KIRREL3: variants seen among roughly 807,000 people sequenced by gnomAD.
KIRREL3 encodes kin of IRRE-like protein 3.
Under a neutral mutation model 89.7 loss-of-function variants are expected in KIRREL3, and 36 were observed. The ratio of observed to expected loss-of-function variants is 0.40; its 90% CI spans 0.31 to 0.53. The LOEUF is 0.53. Among genes scored for constraint, KIRREL3 ranks in the 20% least tolerant of loss-of-function variants. KIRREL3 has a pLI of 0.49. For synonymous variants in KIRREL3, 445 were observed against 441.4 expected, an observed-to-expected ratio of 1.01 and a Z score of -0.10; for missense variants, 864 against 1,056.6, an observed-to-expected ratio of 0.82 and a Z score of 2.53.
chr11:126,813,037 T>C lies in KIRREL3; in HGVS notation c.55+187418A>G, dbSNP rs761718896. On this transcript the variant is annotated intron_variant, in intron 1 of 16. Transcript: ENST00000525144. Reference sequence around the variant, plus strand: ...TTCATTAGCCACAGCTCACTATGTGTCAAGTCTTGTTTTCTCCAGTTTAGA... The same window carrying C: ...TTCATTAGCCACAGCTCACTATGTGCCAAGTCTTGTTTTCTCCAGTTTAGA... 3.3e-5 allele frequency among the ~76,000 whole-genome samples: 5 copies of C among 152,220 alleles called. 1 individual carries two copies. In the South Asian group the frequency reaches 1.0e-3, roughly 32 times the overall value.
chr11:126,901,782 T>A (rs1946382346), intron 1 of KIRREL3, among the ~76,000 whole-genome samples: 1 of 152,222 alleles, frequency 6.6e-6, no homozygotes, highest in South Asian at 2.1e-4. Context: ...CATCCCTTCC[T>A]CACTTGATAA....
chr11:126,857,792 G>GGGGGGGGGGGA (rs1944578415), intron 1 of KIRREL3, among the ~76,000 whole-genome samples: 1 of 122,300 alleles, frequency 8.2e-6, no homozygotes, highest in African/African-American at 3.1e-5. Context: ...TGGGGGTGGG[G>GGGGGGGGGGGA]TGGGTGAGGC....
chr11:126,957,017 T>A (rs1347108607), intron 1 of KIRREL3, among the ~76,000 whole-genome samples: 5 of 152,186 alleles, frequency 3.3e-5, no homozygotes, highest in Non-Finnish European at 7.3e-5. Flanking sequence ...TGCAGCACAG[T>A]TCCAAAGTCT....
At position 126,606,024 on chromosome 11, in the gene KIRREL3, A is replaced by G. The variant is rs375074520; in HGVS notation, c.56-43112T>C. On this transcript the variant is annotated intron_variant, in intron 1 of 16. Coordinates refer to ENST00000525144, the MANE Select transcript of KIRREL3 (RefSeq NM_032531.4). The surrounding 1 kb of genome is among the most constrained non-coding windows in gnomAD (Gnocchi z 4.6). Reference sequence around the variant, plus strand: ...GCAGGCCATCTTGGGAAGGAATCCCAGTTGACCACTCATTATCTCTGTAAC... The same window carrying G: ...GCAGGCCATCTTGGGAAGGAATCCCGGTTGACCACTCATTATCTCTGTAAC... Among the ~76,000 whole-genome samples the G allele has an allele frequency of 6.6e-6, 1 of 152,230 alleles. No homozygotes were observed. Among genetic ancestry groups the G allele is most frequent in the Non-Finnish European group, 1.5e-5 (1 of 68,048 alleles).
rs1278863600 is a variant in KIRREL3, at chr11:126,843,361, T to A, written c.55+157094A>T. Among the ~76,000 whole-genome samples the A allele has an allele frequency of 2.6e-5, 4 of 152,116 alleles. No homozygotes were observed. The highest frequency in any genetic ancestry group is 9.7e-5 in the African/African-American group (4 of 41,432). The stretch of plus-strand genomic sequence containing the variant: ...GAAGATCTCCAAGTGTAAAGGTGCA[T>A]GAGAAATGCTTCCAGTGAGTGAGAT... On this transcript the variant is annotated intron_variant, in intron 1 of 16. Coordinates refer to ENST00000525144, the MANE Select transcript of KIRREL3 (RefSeq NM_032531.4). The surrounding 1 kb of genome is among the most constrained non-coding windows in gnomAD (Gnocchi z 4.6).
At chr11:126,560,468 A>G (rs952147972) in intron 2 of KIRREL3, among the ~76,000 whole-genome samples, 11 of 152,304 alleles carry the variant, frequency 7.2e-5, no homozygotes, top group African/African-American at 2.4e-4. Flanking sequence ...TAACGGCACC[A>G]ATTGCAATTA....
At chr11:126,823,537 T>G (rs1454746778) in intron 1 of KIRREL3, among the ~76,000 whole-genome samples, 1 of 152,090 alleles carries the variant, frequency 6.6e-6, no homozygotes. Flanking sequence ...TGCTCTGAGC[T>G]CCTCAGAGAG....
In KIRREL3 at chr11:126,601,787, G is replaced by A. The variant is rs1473007887; in HGVS notation, c.56-38875C>T. Among the ~76,000 whole-genome samples, 1 of 152,100 alleles carries A rather than the reference G, an allele frequency of 6.6e-6. No homozygotes were observed. The highest frequency in any genetic ancestry group is 1.5e-5 in the Non-Finnish European group (1 of 68,034). The stretch of plus-strand genomic sequence containing the variant: ...TTCATCCCCCTGAATTCCATCCCCT[G>A]CCGCGTCCATTTCTAGGAGCTCCAT... On this transcript the variant is annotated intron_variant, in intron 1 of 16. Transcript: ENST00000525144. The surrounding 1 kb of genome is among the most constrained non-coding windows in gnomAD (Gnocchi z 5.8).
chr11:126,875,942 T>C (rs1945269181), intron 1 of KIRREL3, among the ~76,000 whole-genome samples: 1 of 152,120 alleles, frequency 6.6e-6, no homozygotes, highest in African/African-American at 2.4e-5. Flanking sequence ...TCCTATATCA[T>C]GAGATGCTAG....
At chr11:126,973,138 G>A (rs1407940272) in intron 1 of KIRREL3, among the ~76,000 whole-genome samples, 6 of 143,372 alleles carry the variant, frequency 4.2e-5, no homozygotes, top group Non-Finnish European at 6.0e-5. Context: ...ATTGAGTCCC[G>A]AGGCCAATCT....
chr11:126,529,635 C>G (rs1286880789), intron 2 of KIRREL3, among the ~76,000 whole-genome samples: 5 of 49,608 alleles, frequency 1.0e-4, no homozygotes, highest in African/African-American at 1.8e-4. Context: ...CCTAGAGCCT[C>G]TCGCATTCTG....
chr11:126,439,335 A>G (rs929823105), intron 11 of KIRREL3, among the ~76,000 whole-genome samples: 1 of 151,760 alleles, frequency 6.6e-6, no homozygotes, highest in Non-Finnish European at 1.5e-5. Context: ...GTCTCAAAAA[A>G]GAAAGAGGGA....
At chr11:126,875,382 A>T (rs1945247316) in intron 1 of KIRREL3, among the ~76,000 whole-genome samples, 1 of 152,236 alleles carries the variant, frequency 6.6e-6, no homozygotes, top group East Asian at 1.9e-4. Context: ...CAATATATGA[A>T]ACAGAGCTTT....
At chr11:126,916,821 A>G (rs137953928) in intron 1 of KIRREL3, among the ~76,000 whole-genome samples, 29 of 152,330 alleles carry the variant, frequency 1.9e-4, no homozygotes, top group African/African-American at 7.0e-4. Flanking sequence ...GCACCTGCAG[A>G]AAGAAAGGGG....
chr11:126,711,786 T>G (rs1947765090), intron 1 of KIRREL3, among the ~76,000 whole-genome samples: 1 of 152,234 alleles, frequency 6.6e-6, no homozygotes. Flanking sequence ...TGTGCGAGGA[T>G]GCTGTGCCAG....
chr11:126,815,394 A>G (rs1339434368), intron 1 of KIRREL3, among the ~76,000 whole-genome samples: 1 of 152,036 alleles, frequency 6.6e-6, no homozygotes, highest in African/African-American at 2.4e-5. Context: ...ACTTCTCTAA[A>G]CCCTCATCTT....
rs1958912774 is a variant in KIRREL3 at position 126,530,622 on chromosome 11, C to G, written c.134-3935G>C. Among the ~76,000 whole-genome samples the G allele has an allele frequency of 6.6e-6, 1 of 152,174 alleles. No homozygotes were observed. The highest frequency in any genetic ancestry group is 2.4e-5 in the African/African-American group (1 of 41,432). ...CCCTCCAGGAGCTCGCAGCTGTGCC[C>G]CCTCCCCATCACACCTGGGCGTCTC... On this transcript the variant is annotated intron_variant, in intron 2 of 16. Coordinates refer to ENST00000525144, the MANE Select transcript of KIRREL3 (RefSeq NM_032531.4). This position sits in a 1 kb window ranked among gnomAD's most constrained non-coding sequence, Gnocchi z 5.8.
intron 1 of KIRREL3, among the ~76,000 whole-genome samples, chr11:126,592,246 A>G (rs1019854517): frequency 5.3e-5 from 8 of 152,250 alleles, no homozygotes; most frequent in Middle Eastern, 3.4e-3. Context: ...TAACAACACA[A>G]TACTATAAAG....
intron 1 of KIRREL3, among the ~76,000 whole-genome samples, chr11:126,937,885 C>T (rs955521570): frequency 3.9e-5 from 6 of 152,044 alleles, no homozygotes; most frequent in East Asian, 1.9e-4. Flanking sequence ...GGCGACAGAG[C>T]GAGACTCCGT....
Sources: allele counts gnomAD v4.1 joint callset (sites outside exome capture counted in the v4.1 genomes callset), GRCh38; gene constraint gnomAD v4.1.1; non-coding constraint Gnocchi (gnomAD v3.1); transcripts MANE v1.5; gene names NCBI Gene and HGNC (gene_info 2026-07-23, HGNC 2026-07-21).